Variants in RAB27A observed in about 807,000 individuals in gnomAD.
RAB27A encodes the protein RAB27A, member RAS oncogene family.
In RAB27A, 17 loss-of-function variants were observed where a neutral mutation model predicts 20.8. The observed-to-expected ratio is 0.82, with a 90% CI of 0.56 to 1.23. The LOEUF is 1.23. Among genes scored for constraint, RAB27A ranks in the 50% most tolerant of loss-of-function variants. RAB27A has a pLI of 0.00. For missense variants in RAB27A, 277 were observed against 266.7 expected (o/e 1.04, Z -0.27); for synonymous variants, 85 against 92.8 (o/e 0.92, Z 0.48).
chr15:55,267,270 C>A (rs1897529033), intron 2 of RAB27A, among the ~76,000 whole-genome samples: 2 of 152,120 alleles, frequency 1.3e-5, no homozygotes, highest in Admixed American at 1.3e-4. Context: ...AGAAAGGAGG[C>A]CTGATAGGGT....
chr15:55,216,444 AT>A (rs1162911177), intron 6 of RAB27A, among the ~76,000 whole-genome samples: 1 of 152,018 alleles, frequency 6.6e-6, no homozygotes, highest in Non-Finnish European at 1.5e-5. Flanking sequence ...GAGACGGGAG[AT>A]CTCTTGAACA....
At chr15:55,293,556 A>G (rs1278986423), upstream of RAB27A, among the ~76,000 whole-genome samples, 1 of 152,120 alleles carries the variant, frequency 6.6e-6, no homozygotes, top group Non-Finnish European at 1.5e-5. Flanking sequence ...AAATTTAACC[A>G]AGAAGGTGCA....
chr15:55,205,753 A>AGT lies in RAB27A; in HGVS notation c.468-50_468-49dup, dbSNP rs765356000. ...GTAACAACATGTGGAGGGAAAGGAGAGTGACCTTTGCTCTTGATAATTCAA... is the reference window on the plus strand; with the variant it reads ...GTAACAACATGTGGAGGGAAAGGAGAGTGTGACCTTTGCTCTTGATAATTCAA... On this transcript the variant is annotated intron_variant, in intron 6 of 6. Transcript: ENST00000336787. 17 of 1,485,860 alleles carry AGT rather than the reference A, an allele frequency of 1.1e-5. No individual in the cohort carries two copies. In the Admixed American group the frequency reaches 2.7e-4, roughly 23 times the overall value. 92.0% of individuals were successfully genotyped at this position (1,485,860 alleles called of 1,614,324 possible).
rs945624388 is a variant in RAB27A at position 55,205,363 on chromosome 15, G to A, written c.*144C>T. 20 of 802,328 alleles carry A rather than the reference G, an allele frequency of 2.5e-5. No individual in the cohort carries two copies. The highest frequency in any genetic ancestry group is 5.0e-5 in the East Asian group (2 of 40,156). The allele number at this position is 802,328 out of a possible 1,614,324, so 49.7% of individuals were successfully genotyped here. On this transcript the variant is annotated 3_prime_UTR_variant, in exon 7 of 7. Coordinates refer to ENST00000336787, the MANE Select transcript of RAB27A (RefSeq NM_183235.3). ...GCTGCAACAAATTAATTTTAGAACC[G>A]GATGCTTTATTCGTAGGTCTAATGG... is the stretch of plus-strand genomic sequence containing the variant.
At chr15:55,264,952 G>A (rs1566928386) in intron 2 of RAB27A, among the ~76,000 whole-genome samples, 1 of 152,156 alleles carries the variant, frequency 6.6e-6, no homozygotes, top group Non-Finnish European at 1.5e-5. Context: ...ATGGAAACAA[G>A]AACTATAGGG....
chr15:55,252,935 C>A (rs896841096), intron 2 of RAB27A, among the ~76,000 whole-genome samples: 1 of 151,640 alleles, frequency 6.6e-6, no homozygotes, highest in Admixed American at 6.6e-5. Context: ...GAGATCGAGA[C>A]CAGCTGGCCA....
chr15:55,209,761 T>C (rs1479039484), intron 6 of RAB27A, among the ~76,000 whole-genome samples: 6 of 138,304 alleles, frequency 4.3e-5, no homozygotes, highest in Admixed American at 2.7e-4. Flanking sequence ...TGTGTATGTG[T>C]GTACATATAC....
At chr15:55,274,880 C>G (rs1897819744) in intron 1 of RAB27A, among the ~76,000 whole-genome samples, 1 of 135,572 alleles carries the variant, frequency 7.4e-6, no homozygotes, top group African/African-American at 2.7e-5. Flanking sequence ...AGTAAAAACT[C>G]AAATAAATAA....
intron 1 of RAB27A, chr15:55,270,861 C>T (rs1399652180): frequency 1.3e-5 from 2 of 152,218 alleles, no homozygotes; most frequent in African/African-American, 4.8e-5. Flanking sequence ...GTACTCACCT[C>T]CTTTGCTTTT....
chr15:55,311,408 T>C (rs112522059), intron 2 of RAB27A, among the ~76,000 whole-genome samples: 19,189 of 152,006 alleles, frequency 0.13, 1,923 homozygotes, highest in African/African-American at 0.28. Context: ...TCGGGGAAAA[T>C]TGCACTCTGT....
chr15:55,220,452 G>A (rs1895516735), intron 6 of RAB27A, among the ~76,000 whole-genome samples: 2 of 151,940 alleles, frequency 1.3e-5, no homozygotes, highest in Non-Finnish European at 2.9e-5. Context: ...TGTATTTTTA[G>A]TAGAGATGGG....
chr15:55,251,549 A>AC (rs1378009454), intron 2 of RAB27A, among the ~76,000 whole-genome samples: 1 of 152,250 alleles, frequency 6.6e-6, no homozygotes, highest in African/African-American at 2.4e-5. Flanking sequence ...AGAAAATATG[A>AC]CCAGATTAGT....
At chr15:55,255,445 G>A (rs1355921240) in intron 2 of RAB27A, among the ~76,000 whole-genome samples, 2 of 152,122 alleles carry the variant, frequency 1.3e-5, no homozygotes, top group African/African-American at 4.8e-5. Context: ...CTCATTTTGT[G>A]TATTGCTTCT....
chr15:55,313,592 C>T (rs1366504594), intron 2 of RAB27A, among the ~76,000 whole-genome samples: 2 of 152,062 alleles, frequency 1.3e-5, no homozygotes, highest in South Asian at 2.1e-4. Context: ...ACCTATGCTA[C>T]GCCAGGCGCA....
chr15:55,235,338 C>T (rs60713987), intron 2 of RAB27A, among the ~76,000 whole-genome samples: 6,918 of 152,056 alleles, frequency 0.045, 547 homozygotes, highest in African/African-American at 0.16. Context: ...ATCCCAGCTA[C>T]TCAGGAGGCT....
chr15:55,268,353 C>T (rs1897581464), intron 2 of RAB27A, among the ~76,000 whole-genome samples: 1 of 152,196 alleles, frequency 6.6e-6, no homozygotes, highest in Non-Finnish European at 1.5e-5. Context: ...GATGCCTTGG[C>T]ACTAATACAA....
chr15:55,234,149 A>G (rs1313115404), intron 3 of RAB27A, among the ~76,000 whole-genome samples: 1 of 152,210 alleles, frequency 6.6e-6, no homozygotes, highest in Non-Finnish European at 1.5e-5. Context: ...GTCTAAGGAG[A>G]AAGCCATCTT....
intron 1 of RAB27A, among the ~76,000 whole-genome samples, chr15:55,318,081 T>G (rs1157989828): frequency 6.6e-6 from 1 of 151,412 alleles, no homozygotes; most frequent in Non-Finnish European, 1.5e-5. Flanking sequence ...CTCAATGGTT[T>G]TAAATGCATA....
intron 2 of RAB27A, among the ~76,000 whole-genome samples, chr15:55,263,279 G>A (rs990760184): frequency 6.6e-6 from 1 of 152,032 alleles, no homozygotes; most frequent in Non-Finnish European, 1.5e-5. Context: ...GCTAAAAAGT[G>A]AAATACCTAA....
Sources: gnomAD v4.1 joint callset for allele counts (sites outside exome capture counted in the v4.1 genomes callset) on GRCh38, gnomAD v4.1.1 for gene constraint, MANE v1.5 for transcripts, NCBI Gene and HGNC (gene_info 2026-07-23, HGNC 2026-07-21) for gene names.